The following PPIL2 variants were observed in gnomAD, a reference collection of about 807,000 sequenced individuals.
PPIL2 encodes the protein RING-type E3 ubiquitin-protein ligase PPIL2.
A neutral mutation model predicts 75.2 loss-of-function variants in PPIL2; 50 were observed. The observed-to-expected ratio is 0.66, with a 90% CI of 0.53 to 0.84. The LOEUF (loss-of-function observed/expected upper bound fraction) is 0.84. PPIL2 is among the 40% of genes least tolerant of loss of function. PPIL2 has a pLI of 0.00. For missense variants in PPIL2, 590 were observed against 685.0 expected (o/e 0.86, Z 1.55); for synonymous variants, 245 against 258.8 (o/e 0.95, Z 0.51).
intron 15 of PPIL2, among the ~76,000 whole-genome samples, chr22:21,692,349 T>C (rs1205254127): frequency 8.6e-5 from 13 of 151,024 alleles, no homozygotes; most frequent in East Asian, 2.0e-4. Flanking sequence ...AGAGATGGGG[T>C]TTCACCGTGT....
chr22:21,689,729 T>G (rs2067540111), intron 15 of PPIL2, among the ~76,000 whole-genome samples: 1 of 152,244 alleles, frequency 6.6e-6, no homozygotes, highest in South Asian at 2.1e-4. Context: ...GGCATCTTGC[T>G]GTGCTCCACA....
Position 21,672,373 on chromosome 22 carries a change from A to G in PPIL2, c.235A>G (p.Asn79Asp). 1 of 1,609,006 alleles carries G rather than the reference A, an allele frequency of 6.2e-7. No individual in the cohort carries two copies. The highest frequency in any genetic ancestry group is 8.5e-7 in the Non-Finnish European group (1 of 1,175,386). ...TAAGAAGTACGGGACCAACCCCAGC[A>G]ATGGAGAGGTAGGTGGCTGTGCAGG... is the stretch of plus-strand genomic sequence containing the variant. ...WLKKYGTNPS[N>D]GEKLDGRSLI... The change falls in exon 5 of 20, where the codon AAT becomes GAT. Residue 79 changes from asparagine to aspartate, a missense_variant. Transcript: ENST00000398831.
At chr22:21,676,839 C>T (rs138647105) in intron 6 of PPIL2, among the ~76,000 whole-genome samples, 17,437 of 152,244 alleles carry the variant, frequency 0.11, 1,305 homozygotes, top group Non-Finnish European at 0.16. Flanking sequence ...AAACCACCAT[C>T]GTCATCATGG....
At chr22:21,690,257 G>A (rs780994768) in intron 15 of PPIL2, among the ~76,000 whole-genome samples, 10 of 151,866 alleles carry the variant, frequency 6.6e-5, no homozygotes, top group South Asian at 2.1e-4. Context: ...GGTGGCGTGC[G>A]CCTGTAGTCC....
chr22:21,695,906 C>T lies in PPIL2; in HGVS notation c.*416C>T, dbSNP rs1043463567. Reference sequence around the variant, plus strand: ...GTGTGATCATGGCTCACTGCAGCCTCGACCTCCTGGGCTCAAGCAATCCTC... The same window carrying T: ...GTGTGATCATGGCTCACTGCAGCCTTGACCTCCTGGGCTCAAGCAATCCTC... On this transcript the variant is annotated 3_prime_UTR_variant, in exon 20 of 20. Coordinates refer to ENST00000398831, the MANE Select transcript of PPIL2 (RefSeq NM_014337.4). 6 of 958,138 alleles carry T rather than the reference C, an allele frequency of 6.3e-6. No individual in the cohort carries two copies. Among genetic ancestry groups the T allele is most frequent in the South Asian group, 7.2e-5 (2 of 27,936 alleles). The allele number at this position is 958,138 out of a possible 1,614,324, so 59.4% of individuals were successfully genotyped here.
Position 21,666,058 on chromosome 22 carries a change from CG to C in PPIL2, c.-41del, listed in dbSNP as rs758072219. The C allele has an allele frequency of 6.2e-7, 1 of 1,607,552 alleles. No homozygotes were observed. The highest frequency in any genetic ancestry group is 2.2e-5 in the East Asian group (1 of 44,604). On this transcript the variant is annotated 5_prime_UTR_variant, in exon 1 of 20. Transcript: ENST00000398831. ...CGGCTCCATGGTCTGAGTTGTCAGC[CG>C]TTGTTTTTTCGTGCTCGCTAGTCGC...
intron 15 of PPIL2, among the ~76,000 whole-genome samples, chr22:21,693,501 C>T (rs1287649290): frequency 1.3e-5 from 2 of 152,254 alleles, no homozygotes; most frequent in East Asian, 1.9e-4. Flanking sequence ...GGTGTCCCCT[C>T]GTCCCAGCCA....
At chr22:21,672,418 A>T in intron 5 of PPIL2, 37 bp downstream of exon 5, 2 of 1,555,032 alleles carry the variant, frequency 1.3e-6, no homozygotes, top group Non-Finnish European at 1.8e-6. Flanking sequence ...GATGCTAGTG[A>T]ATGCTATCCT....
chr22:21,679,760 A>G (rs1411019092), intron 6 of PPIL2, among the ~76,000 whole-genome samples: 1 of 151,752 alleles, frequency 6.6e-6, no homozygotes, highest in Non-Finnish European at 1.5e-5. Flanking sequence ...TTGAGGCTCT[A>G]ACTTGGCCTC....
intron 1 of PPIL2, chr22:21,669,343 C>T: frequency 2.2e-6 from 1 of 452,778 alleles, no homozygotes; most frequent in South Asian, 1.6e-5. Flanking sequence ...GAGACAGATT[C>T]TCGCTTTGTT....
chr22:21,695,774 T>G lies in PPIL2; in HGVS notation c.*284T>G. On this transcript the variant is annotated 3_prime_UTR_variant, in exon 20 of 20. Coordinates refer to ENST00000398831, the MANE Select transcript of PPIL2 (RefSeq NM_014337.4). The stretch of plus-strand genomic sequence containing the variant: ...TACACCCAGGCTGGTGCCTCAGGCC[T>G]CCCCTCTAGTAGGCAGGCCAGGTTA... 7.8e-7 allele frequency: 1 copy of G among 1,283,200 alleles called. No homozygotes were observed. The highest frequency in any genetic ancestry group is 1.0e-6 in the Non-Finnish European group (1 of 1,004,970). 79.5% of individuals were successfully genotyped at this position (1,283,200 alleles called of 1,614,324 possible). A position where few individuals can be genotyped will look rare whatever the true frequency, so the allele number is the denominator to read the frequency against.
chr22:21,667,376 G>C (rs895967095), intron 1 of PPIL2, among the ~76,000 whole-genome samples: 13 of 151,796 alleles, frequency 8.6e-5, no homozygotes, highest in African/African-American at 2.9e-4. Flanking sequence ...GGCTGGTCTC[G>C]AACTCCTGAC....
chr22:21,667,765 ATTTTTTTTT>A (rs55832180), intron 1 of PPIL2, among the ~76,000 whole-genome samples: 4 of 69,882 alleles, frequency 5.7e-5, no homozygotes, highest in Non-Finnish European at 8.0e-5. Flanking sequence ...GACATCTCAA[ATTTTTTTTT>A]TTTTTTTTTT....
intron 5 of PPIL2, among the ~76,000 whole-genome samples, chr22:21,673,124 G>T (rs977811222): frequency 7.2e-5 from 11 of 152,218 alleles, no homozygotes; most frequent in Admixed American, 6.5e-5. Flanking sequence ...ACTAAAGCCC[G>T]TGGCTTTTCT....
Position 21,697,390 on chromosome 22 carries a change from T to A in PPIL2, c.*1900T>A, listed in dbSNP as rs2067979615. ...TCTCTGGCCACATTCAAGTCCCCCA[T>A]TGGTGGGGGCAGAGAAGTAGGACCA... On this transcript the variant is annotated 3_prime_UTR_variant, in exon 20 of 20. Transcript: ENST00000398831. 1 of 216,654 alleles carries A rather than the reference T, an allele frequency of 4.6e-6. No individual in the cohort carries two copies. The highest frequency in any genetic ancestry group is 2.3e-5 in the African/African-American group (1 of 43,568). The allele number at this position is 216,654 out of a possible 1,614,324, so 13.4% of individuals were successfully genotyped here.
chr22:21,690,823 T>G (rs933031329), intron 15 of PPIL2, among the ~76,000 whole-genome samples: 4 of 152,216 alleles, frequency 2.6e-5, no homozygotes, highest in Non-Finnish European at 5.9e-5. Flanking sequence ...TGTTGGTTAT[T>G]TTCAAGTAGG....
chr22:21,697,439 G>C lies in PPIL2; in HGVS notation c.*1949G>C. On this transcript the variant is annotated 3_prime_UTR_variant, in exon 20 of 20. Coordinates refer to ENST00000398831, the MANE Select transcript of PPIL2 (RefSeq NM_014337.4). ...CAGGCCATCCTTGGCTCCAGAGCTCGAAGACCCCAAGACAGCCCTCTGCTC... is the reference window on the plus strand; with the variant it reads ...CAGGCCATCCTTGGCTCCAGAGCTCCAAGACCCCAAGACAGCCCTCTGCTC... 5.4e-6 allele frequency: 1 copy of C among 185,442 alleles called. No homozygotes were observed. The highest frequency in any genetic ancestry group is 1.1e-5 in the Non-Finnish European group (1 of 87,658). 11.5% of individuals were successfully genotyped at this position (185,442 alleles called of 1,614,324 possible).
chr22:21,694,395 A>C (rs756424675), intron 16 of PPIL2, among the ~76,000 whole-genome samples, 198 bp from the exon 17 acceptor site: 1 of 151,508 alleles, frequency 6.6e-6, no homozygotes, highest in Non-Finnish European at 1.5e-5. Context: ...ACAGAAAAAA[A>C]CCCAGCTGGA....
intron 8 of PPIL2, among the ~76,000 whole-genome samples, chr22:21,682,869 C>G (rs189081615): frequency 1.3e-5 from 2 of 152,234 alleles, no homozygotes; most frequent in Admixed American, 1.3e-4. Context: ...AACCAGAGGT[C>G]GGCCCACGGC....
Sources: allele counts gnomAD v4.1 joint callset (sites outside exome capture counted in the v4.1 genomes callset), GRCh38; gene constraint gnomAD v4.1.1; transcripts MANE v1.5; gene names NCBI Gene and HGNC (gene_info 2026-07-23, HGNC 2026-07-21).